CLASP1: variants seen among roughly 807,000 people sequenced by gnomAD.
CLASP1 encodes CLIP-associating protein 1.
A neutral mutation model predicts 192.3 loss-of-function variants in CLASP1; 38 were observed. The ratio of observed to expected loss-of-function variants is 0.20; its 90% CI spans 0.15 to 0.26. The LOEUF (loss-of-function observed/expected upper bound fraction) is 0.26, where lower values mean the gene tolerates loss of function less well. CLASP1 is among the 10% of genes least tolerant of loss of function. The pLI, the probability that CLASP1 is intolerant of heterozygous loss-of-function variation, is 1.00. For missense variants in CLASP1, 1,433 were observed against 1,932.5 expected (o/e 0.74, Z 4.85); for synonymous variants, 691 against 712.8 (o/e 0.97, Z 0.49).
intron 34 of CLASP1, among the ~76,000 whole-genome samples, chr2:121,369,294 G>A (rs894925538): frequency 6.6e-6 from 1 of 152,098 alleles, no homozygotes; most frequent in African/African-American, 2.4e-5. Context: ...TTATAATTAA[G>A]ATGTAAAAAT....
chr2:121,577,205 T>TAAAAAAAAAAA, intron 2 of CLASP1, among the ~76,000 whole-genome samples: 1 of 151,982 alleles, frequency 6.6e-6, no homozygotes, highest in African/African-American at 2.4e-5. Context: ...TTCATTTTCT[T>TAAAAAAAAAAA]TACTCTTACG....
At chr2:121,481,134 G>A (rs1464101826) in intron 8 of CLASP1, among the ~76,000 whole-genome samples, 1 of 152,168 alleles carries the variant, frequency 6.6e-6, no homozygotes, top group Admixed American at 6.5e-5. Flanking sequence ...TAGACAAAAT[G>A]CATTAAAGAC....
intron 5 of CLASP1, 101 bp downstream of exon 5, chr2:121,527,698 C>G (rs1476884568): frequency 6.6e-6 from 6 of 905,506 alleles, no homozygotes; most frequent in Non-Finnish European, 1.0e-5. Flanking sequence ...AGATCTCACA[C>G]TACACTTCTT....
chr2:121,415,511 C>T (rs2078424159), intron 23 of CLASP1, among the ~76,000 whole-genome samples: 1 of 152,120 alleles, frequency 6.6e-6, no homozygotes, highest in African/African-American at 2.4e-5. Flanking sequence ...GAAATACATG[C>T]TAAATTCTGT....
At chr2:121,645,044 G>A (rs1475373618) in intron 1 of CLASP1, among the ~76,000 whole-genome samples, 1 of 151,844 alleles carries the variant, frequency 6.6e-6, no homozygotes, top group African/African-American at 2.4e-5. Flanking sequence ...ACCATTTAGG[G>A]CTGTTTGCAT....
Position 121,530,233 on chromosome 2 carries a change from G to A in CLASP1, c.274+14C>T. 6.5e-7 allele frequency: 1 copy of A among 1,545,814 alleles called. No homozygotes were observed. Among genetic ancestry groups the A allele is most frequent in the Non-Finnish European group, 8.7e-7 (1 of 1,143,014 alleles). Reference sequence around the variant, plus strand: ...TGAAGGGGCCGGGTCCGCTCCACAAGTGCCGCAGCTCACCTGTGCCGATCT... The same window carrying A: ...TGAAGGGGCCGGGTCCGCTCCACAAATGCCGCAGCTCACCTGTGCCGATCT... On this transcript the variant is annotated intron_variant, in intron 3 of 39. Coordinates refer to ENST00000263710, the Ensembl canonical transcript of CLASP1.
At chr2:121,486,917 A>G (rs980303727) in intron 8 of CLASP1, among the ~76,000 whole-genome samples, 1 of 152,176 alleles carries the variant, frequency 6.6e-6, no homozygotes, top group Non-Finnish European at 1.5e-5. Context: ...TTAATCCTCT[A>G]ATAGCAATCT....
intron 1 of CLASP1, among the ~76,000 whole-genome samples, chr2:121,629,307 A>G (rs1342021675): frequency 6.6e-6 from 1 of 151,570 alleles, no homozygotes; most frequent in African/African-American, 2.4e-5. Flanking sequence ...GGAGAATGGC[A>G]TGAATCCGGG....
At chr2:121,470,073 A>T (rs748555824) in intron 8 of CLASP1, 113 bp from the exon 9 acceptor site, 1 of 903,364 alleles carries the variant, frequency 1.1e-6, no homozygotes. Flanking sequence ...CTGATTCTGC[A>T]TACTCTTTTG....
At chr2:121,611,086 TTG>T (rs2065354381) in intron 1 of CLASP1, among the ~76,000 whole-genome samples, 1 of 47,780 alleles carries the variant, frequency 2.1e-5, no homozygotes, top group Non-Finnish European at 4.4e-5. Flanking sequence ...GGAGGAGGAG[TTG>T]GAGGAGTTAC....
Position 121,530,227 on chromosome 2 carries a change from C to G in CLASP1, c.274+20G>C. On this transcript the variant is annotated intron_variant, in intron 3 of 39. Coordinates refer to ENST00000263710, the Ensembl canonical transcript of CLASP1. ...GGGGTCTGAAGGGGCCGGGTCCGCT[C>G]CACAAGTGCCGCAGCTCACCTGTGC... 6.5e-7 allele frequency: 1 copy of G among 1,544,378 alleles called. No homozygotes were observed. Among genetic ancestry groups the G allele is most frequent in the Non-Finnish European group, 8.8e-7 (1 of 1,142,056 alleles).
chr2:121,617,751 G>C (rs1264896854), intron 1 of CLASP1, among the ~76,000 whole-genome samples: 2 of 152,100 alleles, frequency 1.3e-5, no homozygotes, highest in Non-Finnish European at 2.9e-5. Context: ...CCACCTTCCA[G>C]ATCTCTGTTG....
intron 2 of CLASP1, among the ~76,000 whole-genome samples, chr2:121,535,030 G>A (rs1395723053): frequency 6.6e-6 from 1 of 152,220 alleles, no homozygotes; most frequent in East Asian, 1.9e-4. Flanking sequence ...CACTTTGGGA[G>A]GCCAAGGCAG....
intron 8 of CLASP1, among the ~76,000 whole-genome samples, chr2:121,472,647 A>G (rs755100645): frequency 3.9e-5 from 6 of 152,278 alleles, no homozygotes; most frequent in East Asian, 1.9e-4. Context: ...GAAGCTACAC[A>G]GAAAGAGGGC....
At chr2:121,352,666 A>T (rs960437969) in intron 37 of CLASP1, among the ~76,000 whole-genome samples, 2 of 151,996 alleles carry the variant, frequency 1.3e-5, no homozygotes, top group African/African-American at 4.8e-5. Context: ...TTTATTTTTA[A>T]TTTTTTGAGA....
chr2:121,343,899 C>T (rs1420213993), intron 39 of CLASP1, among the ~76,000 whole-genome samples: 2 of 151,970 alleles, frequency 1.3e-5, no homozygotes, highest in Admixed American at 6.6e-5. Context: ...GGTGAAACCC[C>T]ATCTCAACTA....
intron 24 of CLASP1, 68 bp downstream of exon 25, chr2:121,410,798 G>T: frequency 1.1e-6 from 1 of 942,554 alleles, no homozygotes; most frequent in Non-Finnish European, 1.6e-6. Flanking sequence ...GCAATTTCCT[G>T]TTAGGACAGA....
rs191899871 is a variant in CLASP1, at chr2:121,558,197, T to C, written c.196-27872A>G. ...TGTAAAACAGAATAACTTCAAAGAA[T>C]AAGGTGAAAAATAAATATTAACAAG... On this transcript the variant is annotated intron_variant, in intron 2 of 39. Transcript: ENST00000263710. 5.3e-5 allele frequency among the ~76,000 whole-genome samples: 8 copies of C among 152,138 alleles called. No individual in the cohort carries two copies. The East Asian group carries it at 1.2e-3, about 22-fold the overall frequency.
chr2:121,536,312 C>T (rs1465346498), intron 2 of CLASP1, among the ~76,000 whole-genome samples: 2 of 127,354 alleles, frequency 1.6e-5, no homozygotes, highest in South Asian at 2.7e-4. Flanking sequence ...ACCTGGGAGG[C>T]GGAGCTTGCA....
Sources: allele counts gnomAD v4.1 joint callset (sites outside exome capture counted in the v4.1 genomes callset), GRCh38; gene constraint gnomAD v4.1.1; transcripts MANE v1.5; gene names NCBI Gene and HGNC (gene_info 2026-07-23, HGNC 2026-07-21).